Variants in ARRDC5 observed in about 807,000 individuals in gnomAD.
ARRDC5 encodes the protein arrestin domain-containing protein 5.
A neutral mutation model predicts 13.3 loss-of-function variants in ARRDC5; 12 were observed. That is an observed-to-expected ratio of 0.90 (90% CI 0.58 to 1.46). The LOEUF is 1.46. Ranked by LOEUF, ARRDC5 falls within the 40% of genes most tolerant of loss-of-function variation. The pLI, the probability that ARRDC5 is intolerant of heterozygous loss-of-function variation, is 0.00. For missense variants in ARRDC5, 406 were observed against 418.7 expected, an observed-to-expected ratio of 0.97 and a Z score of 0.26; for synonymous variants, 181 against 173.4, an observed-to-expected ratio of 1.04 and a Z score of -0.34.
intron 1 of ARRDC5, among the ~76,000 whole-genome samples, chr19:4,900,760 C>T (rs950442778): frequency 6.6e-6 from 1 of 152,166 alleles, no homozygotes; most frequent in Non-Finnish European, 1.5e-5. Flanking sequence ...TGGCTCATGC[C>T]TGTAATCCCA....
rs1431307306 is a variant in ARRDC5 at position 4,890,516 on chromosome 19, C to T, written c.*530G>A. The T allele has an allele frequency of 6.5e-6, 1 of 153,882 alleles. No individual in the cohort carries two copies. Among genetic ancestry groups the T allele is most frequent in the Non-Finnish European group, 1.4e-5 (1 of 69,528 alleles). The allele number at this position is 153,882 out of a possible 1,614,324, so 9.5% of individuals were successfully genotyped here. Reference sequence around the variant, plus strand: ...CAAGTGATCCTCCAGCCATGGCCTCCTAAAGTCCTGGGATTACAGGAATGA... The same window carrying T: ...CAAGTGATCCTCCAGCCATGGCCTCTTAAAGTCCTGGGATTACAGGAATGA... On this transcript the variant is annotated 3_prime_UTR_variant, in exon 3 of 3. Transcript: ENST00000650722.
chr19:4,905,108 C>CTT (rs61443004), upstream of ARRDC5, among the ~76,000 whole-genome samples: 174 of 95,178 alleles, frequency 1.8e-3, 8 homozygotes, highest in African/African-American at 6.1e-3. Flanking sequence ...CGTAAACTTT[C>CTT]TTTTTTTTTT....
the ARRDC5 span, chr19:4,910,140 G>A: frequency 6.6e-6 from 1 of 152,056 alleles, no homozygotes; most frequent in Non-Finnish European, 1.5e-5. Context: ...CGGCGGGGGT[G>A]GGCGTGGGCT....
the ARRDC5 span, among the ~76,000 whole-genome samples, chr19:4,914,228 C>T: frequency 6.6e-6 from 1 of 152,068 alleles, no homozygotes; most frequent in South Asian, 2.1e-4. Context: ...AGTGAGCTGG[C>T]AGCAGGGAGG....
the ARRDC5 span, chr19:4,910,641 T>C: frequency 1.5e-5 from 6 of 400,434 alleles, no homozygotes; most frequent in Non-Finnish European, 2.6e-5. Flanking sequence ...ATTCCCTCTT[T>C]TCATTCTCCT....
rs1207861573 is a variant in ARRDC5, at chr19:4,891,205, G to A, written c.828C>T (p.His276=). 1 of 1,613,824 alleles carries A rather than the reference G, an allele frequency of 6.2e-7. No homozygotes were observed. Among genetic ancestry groups the A allele is most frequent in the African/African-American group, 1.3e-5 (1 of 74,920 alleles). ...SSSTQDGEIM[H]TRYELVTTVH... ...CGGTGGTGACCAGCTCGTAGCGAGTGTGCATGATCTCACCGTCCTGCGTGC... is the reference window on the plus strand; with the variant it reads ...CGGTGGTGACCAGCTCGTAGCGAGTATGCATGATCTCACCGTCCTGCGTGC... The change falls in exon 3 of 3, where the codon CAC becomes CAT. Residue 276 remains histidine, a synonymous_variant. Transcript: ENST00000650722.
chr19:4,890,893 G>A lies in ARRDC5; in HGVS notation c.*153C>T. 1 of 634,358 alleles carries A rather than the reference G, an allele frequency of 1.6e-6. No homozygotes were observed. Among genetic ancestry groups the A allele is most frequent in the Non-Finnish European group, 2.7e-6 (1 of 365,314 alleles). The allele number at this position is 634,358 out of a possible 1,614,324, so 39.3% of individuals were successfully genotyped here. On this transcript the variant is annotated 3_prime_UTR_variant, in exon 3 of 3. Transcript: ENST00000650722. ...GGCATTCAGTGATAGTTCTAGGGAG[G>A]GGAGACACAGATACCTAAACCGCTA...
the ARRDC5 span, among the ~76,000 whole-genome samples, chr19:4,916,366 G>A: frequency 5.3e-5 from 8 of 151,696 alleles, no homozygotes; most frequent in African/African-American, 9.7e-5. Context: ...GAAGACAAGC[G>A]CGCCCCCTCT....
In ARRDC5 at chr19:4,891,514, A is replaced by G. The variant is rs1462984648; in HGVS notation, c.519T>C (p.Thr173=). Reference sequence around the variant, plus strand: ...TTTCCATCTGGATTTGCAAACAGACAGTGCCCTGGCGGCAGCAGTTGTAGG... The same window carrying G: ...TTTCCATCTGGATTTGCAAACAGACGGTGCCCTGGCGGCAGCAGTTGTAGG... The part of the protein sequence containing the change: ...KVSYNCCRQG[T]VCLQIQMERN... The change falls in exon 3 of 3, where the codon ACT becomes ACC. Residue 173 remains threonine (T), a synonymous_variant. Transcript: ENST00000650722. The G allele has an allele frequency of 6.2e-7, 1 of 1,613,792 alleles. No individual in the cohort carries two copies. The highest frequency in any genetic ancestry group is 8.5e-7 in the Non-Finnish European group (1 of 1,179,866).
chr19:4,916,245 G>A, the ARRDC5 span, among the ~76,000 whole-genome samples: 2 of 151,780 alleles, frequency 1.3e-5, no homozygotes, highest in Non-Finnish European at 2.9e-5. Flanking sequence ...GGTTGAGGCT[G>A]CAGTGAACCA....
rs747450378 is a variant in ARRDC5, at chr19:4,891,086, T to C, written c.947A>G (p.Glu316Gly). The C allele has an allele frequency of 6.2e-7, 1 of 1,613,852 alleles. No homozygotes were observed. The highest frequency in any genetic ancestry group is 8.5e-7 in the Non-Finnish European group (1 of 1,179,820). The change falls in exon 3 of 3, where the codon GAG (glutamate) becomes GGG (glycine). Residue 316 changes from glutamate to glycine, a missense_variant. Physicochemically the swap from Glu to Gly is moderately conservative, Grantham distance 98 (BLOSUM62 -2). Transcript: ENST00000650722. The part of the protein sequence containing the change: ...SVDSAICQLS[E>G]DGVLPVNPDH... ...TGGGTTCACGGGTAACACTCCGTCC[T>C]CTGACAGCTGGCAGATGGCAGAGTC...
chr19:4,911,920 C>A, the ARRDC5 span, among the ~76,000 whole-genome samples: 3 of 152,134 alleles, frequency 2.0e-5, no homozygotes, highest in Admixed American at 6.6e-5. Flanking sequence ...GCTGCGTGTA[C>A]CCCACTGTGT....
the ARRDC5 span, among the ~76,000 whole-genome samples, chr19:4,915,891 TGTGTTGGA>T: frequency 6.6e-6 from 1 of 152,164 alleles, no homozygotes; most frequent in Non-Finnish European, 1.5e-5. Flanking sequence ...TTACGTGCGC[TGTGTTGGA>T]GTCTTTCCAG....
intron 1 of ARRDC5, among the ~76,000 whole-genome samples, chr19:4,901,782 C>G (rs1232435738): frequency 6.6e-6 from 1 of 152,138 alleles, no homozygotes; most frequent in Non-Finnish European, 1.5e-5. Context: ...ATTTCCCCGA[C>G]AACTCAGCAG....
intron 1 of ARRDC5, among the ~76,000 whole-genome samples, chr19:4,901,308 G>A (rs1205459948): frequency 6.6e-6 from 1 of 152,034 alleles, no homozygotes; most frequent in Non-Finnish European, 1.5e-5. Flanking sequence ...AACAGAGCGA[G>A]GCCCTGTCTC....
chr19:4,909,470 C>T, the ARRDC5 span: 1 of 653,914 alleles, frequency 1.5e-6, no homozygotes, highest in Non-Finnish European at 2.8e-6. Context: ...CCCGCAACTC[C>T]CAAATGCCGA....
At chr19:4,907,144 C>T (rs74321107), upstream of ARRDC5, among the ~76,000 whole-genome samples, 2,214 of 152,336 alleles carry the variant, frequency 0.015, 56 homozygotes, top group African/African-American at 0.051. Context: ...GAGCCTTGCT[C>T]TGTCACCCAG....
chr19:4,896,361 TACACACACACACACACACACACACAC>T (rs71170877), intron 2 of ARRDC5, among the ~76,000 whole-genome samples: 1 of 84,988 alleles, frequency 1.2e-5, no homozygotes, highest in African/African-American at 5.6e-5. Flanking sequence ...TTTTTTTTTT[TACACACACACACACACACACACACAC>T]ACACACACAC....
At chr19:4,908,541 G>A in the ARRDC5 span, among the ~76,000 whole-genome samples, 1 of 151,904 alleles carries the variant, frequency 6.6e-6, no homozygotes, top group African/African-American at 2.4e-5. Context: ...GCCTTTTCCG[G>A]CCTCTGGGTT....
Sources: allele counts gnomAD v4.1 joint callset (sites outside exome capture counted in the v4.1 genomes callset), GRCh38; gene constraint gnomAD v4.1.1; transcripts MANE v1.5; gene names NCBI Gene and HGNC (gene_info 2026-07-23, HGNC 2026-07-21).